ZNF568: variants seen among roughly 807,000 people sequenced by gnomAD.
ZNF568 encodes p53 inhibitor of SCO2 activation.
ZNF568 carries 11 observed loss-of-function variants against 18.1 expected under a neutral mutation model. The observed-to-expected ratio is 0.61, with a 90% CI of 0.38 to 1.00. ZNF568 has a LOEUF of 1.00. Ranked by LOEUF, ZNF568 falls within the 50% of genes least tolerant of loss-of-function variation. The probability of loss-of-function intolerance (pLI) is 0.01; values close to 1 mark genes in which losing one functional copy is unlikely to be tolerated. For synonymous variants in ZNF568, 213 were observed against 246.6 expected, an observed-to-expected ratio of 0.86 and a Z score of 1.28; for missense variants, 639 against 768.2, an observed-to-expected ratio of 0.83 and a Z score of 1.99.
At chr19:36,920,325 A>T (rs2073430967) in intron 2 of ZNF568, among the ~76,000 whole-genome samples, 1 of 152,212 alleles carries the variant, frequency 6.6e-6, no homozygotes, top group Non-Finnish European at 1.5e-5. Flanking sequence ...AAAAAGTTTT[A>T]AAAAATTGAA....
At chr19:36,977,644 T>C (rs766762837) in intron 7 of ZNF568, among the ~76,000 whole-genome samples, 2 of 152,216 alleles carry the variant, frequency 1.3e-5, no homozygotes, top group Non-Finnish European at 2.9e-5. Context: ...TATCAGAAGA[T>C]CACCACACCC....
chr19:36,988,225 A>G (rs1169883021), intron 2 of ZNF568, among the ~76,000 whole-genome samples: 1 of 152,156 alleles, frequency 6.6e-6, no homozygotes, highest in Non-Finnish European at 1.5e-5. Flanking sequence ...AAGTGCTAGG[A>G]TCACAGGCAT....
intron 3 of ZNF568, 73 bp from the exon 4 acceptor site, chr19:36,925,127 C>T: frequency 7.2e-7 from 1 of 1,392,254 alleles, no homozygotes. Flanking sequence ...CTTCTAGCCA[C>T]CTGGTACTGA....
chr19:36,997,761 T>C, downstream of ZNF568: 1 of 608,672 alleles, frequency 1.6e-6, no homozygotes, highest in Non-Finnish European at 2.8e-6. Flanking sequence ...CATGAGAAAG[T>C]TCATACTGAT....
At chr19:36,946,073 G>A (rs573737108) in intron 6 of ZNF568, among the ~76,000 whole-genome samples, 7 of 151,880 alleles carry the variant, frequency 4.6e-5, no homozygotes, top group Non-Finnish European at 8.8e-5. Flanking sequence ...CCAGCCTGGC[G>A]ACAGAGTGAG....
chr19:36,966,625 A>C (rs1316600638), intron 6 of ZNF568, among the ~76,000 whole-genome samples: 3 of 152,242 alleles, frequency 2.0e-5, no homozygotes, highest in Admixed American at 2.0e-4. Context: ...TCTCCTTTAC[A>C]GTGAGTGTGA....
chr19:36,989,406 C>T (rs1253343771), intron 2 of ZNF568, among the ~76,000 whole-genome samples: 2 of 152,200 alleles, frequency 1.3e-5, no homozygotes, highest in African/African-American at 4.8e-5. Flanking sequence ...TGGTCTCAAA[C>T]TCCTGACCTC....
chr19:36,919,538 T>G (rs2073414645), intron 2 of ZNF568, among the ~76,000 whole-genome samples: 1 of 152,160 alleles, frequency 6.6e-6, no homozygotes. Context: ...ATCCCTCGCA[T>G]GCACAGTTCA....
rs1430279992 is a variant in ZNF568, at chr19:36,939,512, A to G, written c.358+2270A>G. On this transcript the variant is annotated intron_variant, in intron 6 of 6. Transcript: ENST00000333987. Reference sequence around the variant, plus strand: ...TGGAGTTTAGCTATCTTTAAGGTTCATTGAAGATGTATTTTCTTTCTTTTT... The same window carrying G: ...TGGAGTTTAGCTATCTTTAAGGTTCGTTGAAGATGTATTTTCTTTCTTTTT... 4.3e-5 allele frequency among the ~76,000 whole-genome samples: 6 copies of G among 138,894 alleles called. No homozygotes were observed. In the East Asian group the frequency reaches 1.3e-3, roughly 29 times the overall value. 91.1% of individuals were successfully genotyped at this position (138,894 alleles called of 152,430 possible). A position where few individuals can be genotyped will look rare whatever the true frequency, so the allele number is the denominator to read the frequency against.
In ZNF568 at chr19:36,922,679, T is replaced by C; in HGVS notation, c.-92T>C. The C allele has an allele frequency of 9.4e-7, 1 of 1,064,038 alleles. No homozygotes were observed. Among genetic ancestry groups the C allele is most frequent in the Non-Finnish European group, 1.4e-6 (1 of 710,860 alleles). The allele number at this position is 1,064,038 out of a possible 1,614,324, so 65.9% of individuals were successfully genotyped here. The stretch of plus-strand genomic sequence containing the variant: ...ATGGAAGGAGACCTGACCTGAGACC[T>C]GCCTTAGAGGCTGGAGAGTCCTGAA... On this transcript the variant is annotated 5_prime_UTR_variant, in exon 3 of 7. Coordinates refer to ENST00000333987, the MANE Select transcript of ZNF568 (RefSeq NM_198539.4).
intron 6 of ZNF568, among the ~76,000 whole-genome samples, chr19:36,964,765 T>C (rs774487512): frequency 3.3e-5 from 5 of 152,124 alleles, no homozygotes; most frequent in Non-Finnish European, 5.9e-5. Context: ...CAATGAGCCA[T>C]GATCACCACT....
chr19:36,942,305 A>T (rs984318832), intron 6 of ZNF568, among the ~76,000 whole-genome samples: 1 of 151,796 alleles, frequency 6.6e-6, no homozygotes, highest in Non-Finnish European at 1.5e-5. Context: ...ACATAAGAAT[A>T]GAGAGATAAA....
intron 7 of ZNF568, among the ~76,000 whole-genome samples, chr19:36,977,283 C>T (rs890846931): frequency 3.9e-5 from 6 of 152,160 alleles, no homozygotes; most frequent in Non-Finnish European, 7.3e-5. Flanking sequence ...CCTGTGATAT[C>T]TCACCAGAGA....
At chr19:36,992,237 C>T (rs1477928238) in intron 4 of ZNF568, among the ~76,000 whole-genome samples, 10 of 91,276 alleles carry the variant, frequency 1.1e-4, no homozygotes, top group East Asian at 4.9e-4. Context: ...AGCAAGACTC[C>T]GTCTCAAAAA....
chr19:36,956,600 A>AT, downstream of ZNF568, among the ~76,000 whole-genome samples: 3 of 150,816 alleles, frequency 2.0e-5, no homozygotes, highest in African/African-American at 7.3e-5. Flanking sequence ...TTTAAAAAAA[A>AT]CTTTTTTTTT....
downstream of ZNF568, among the ~76,000 whole-genome samples, chr19:36,984,332 C>T (rs2074357323): frequency 6.6e-6 from 1 of 152,064 alleles, no homozygotes; most frequent in African/African-American, 2.4e-5. Context: ...ATTTTCCCTT[C>T]TATGAGTTTG....
intron 2 of ZNF568, among the ~76,000 whole-genome samples, chr19:36,919,637 G>T (rs2073417146): frequency 6.6e-6 from 1 of 152,264 alleles, no homozygotes; most frequent in Non-Finnish European, 1.5e-5. Context: ...CTCACCTGCT[G>T]CTCACTTCCT....
intron 3 of ZNF568, chr19:36,991,455 CTTGTGA>C (rs1197844606): frequency 2.5e-5 from 28 of 1,101,796 alleles, no homozygotes; most frequent in Non-Finnish European, 3.3e-5. Context: ...TGGTTTGTCT[CTTGTGA>C]AGTTGGAAAT....
intron 2 of ZNF568, among the ~76,000 whole-genome samples, chr19:36,986,161 A>C (rs1600855895): frequency 6.6e-6 from 1 of 152,282 alleles, no homozygotes; most frequent in South Asian, 2.1e-4. Context: ...ACAGTTCCTC[A>C]GAGGAAAATG....
Sources: allele counts gnomAD v4.1 joint callset (sites outside exome capture counted in the v4.1 genomes callset), GRCh38; gene constraint gnomAD v4.1.1; transcripts MANE v1.5; gene names NCBI Gene and HGNC (gene_info 2026-07-23, HGNC 2026-07-21).